The following UBE2E3 variants were observed in gnomAD, a reference collection of about 807,000 sequenced individuals.
UBE2E3 encodes ubiquitin-conjugating enzyme E2 E3.
Under a neutral mutation model 23.6 loss-of-function variants are expected in UBE2E3, and 5 were observed. The observed-to-expected ratio is 0.21, with a 90% confidence interval of 0.11 to 0.44. UBE2E3 has a LOEUF of 0.44. Among genes scored for constraint, UBE2E3 ranks in the 20% least tolerant of loss-of-function variants. The probability of loss-of-function intolerance (pLI) is 0.99; values close to 1 mark genes in which losing one functional copy is unlikely to be tolerated. For missense variants in UBE2E3, 81 were observed against 249.8 expected, an observed-to-expected ratio of 0.32 and a Z score of 4.55; for synonymous variants, 78 against 87.5, an observed-to-expected ratio of 0.89 and a Z score of 0.60.
intron 3 of UBE2E3, among the ~76,000 whole-genome samples, chr2:180,999,768 A>G (rs1574168065): frequency 6.6e-6 from 1 of 152,200 alleles, no homozygotes; most frequent in Admixed American, 6.5e-5. Context: ...CAATTGAGTA[A>G]CTGTAAAAGC....
chr2:180,994,933 T>C (rs995202965), intron 3 of UBE2E3, among the ~76,000 whole-genome samples: 5 of 152,118 alleles, frequency 3.3e-5, no homozygotes, highest in Non-Finnish European at 7.4e-5. Context: ...GTCAAGAGAA[T>C]CGTTAATGTA....
chr2:181,026,796 A>C (rs183142312), intron 3 of UBE2E3, among the ~76,000 whole-genome samples: 1 of 151,926 alleles, frequency 6.6e-6, no homozygotes, highest in Non-Finnish European at 1.5e-5. Context: ...GCTAATGGCA[A>C]TATTAGATCT....
chr2:181,030,708 A>T (rs571650684), intron 3 of UBE2E3, among the ~76,000 whole-genome samples: 10 of 151,498 alleles, frequency 6.6e-5, no homozygotes, highest in Non-Finnish European at 1.5e-4. Flanking sequence ...TATTTGGGAT[A>T]AGGTGGGGAA....
intron 3 of UBE2E3, among the ~76,000 whole-genome samples, chr2:181,017,047 G>A (rs1685513520): frequency 6.6e-6 from 1 of 152,194 alleles, no homozygotes. Context: ...GGAGAGTGAG[G>A]AGCAGCTGGA....
In UBE2E3 at chr2:180,988,899, A is replaced by C. The variant is rs149131251; in HGVS notation, c.245+4806A>C. 4.6e-3 allele frequency among the ~76,000 whole-genome samples: 697 copies of C among 152,038 alleles called. 6 individuals carry two copies. The highest frequency in any genetic ancestry group is 0.016 in the African/African-American group (654 of 41,490). On this transcript the variant is annotated intron_variant, in intron 3 of 5. Transcript: ENST00000410062. ...TTAGTTATCTAGTCCTTTTATTTTCAATTCTTCAAAAAAAAAGGTCCTGGA... is the reference window on the plus strand; with the variant it reads ...TTAGTTATCTAGTCCTTTTATTTTCCATTCTTCAAAAAAAAAGGTCCTGGA...
chr2:181,021,566 T>C (rs112348650), intron 3 of UBE2E3, among the ~76,000 whole-genome samples: 25 of 101,864 alleles, frequency 2.5e-4, no homozygotes, highest in East Asian at 8.5e-4. Flanking sequence ...CTTCCTTCCT[T>C]CCTTCCTCCC....
At chr2:181,031,452 A>G (rs540645342) in intron 3 of UBE2E3, among the ~76,000 whole-genome samples, 3 of 152,238 alleles carry the variant, frequency 2.0e-5, no homozygotes, top group East Asian at 1.9e-4. Flanking sequence ...TTTCAGTAGC[A>G]TATATTTTTA....
intron 3 of UBE2E3, 78 bp downstream of exon 3, chr2:180,984,171 T>C: frequency 7.7e-7 from 1 of 1,295,486 alleles, no homozygotes; most frequent in Admixed American, 1.9e-5. Context: ...TGGATATGTG[T>C]GCAGCAGAGG....
chr2:181,021,938 A>G (rs142809288), intron 3 of UBE2E3, among the ~76,000 whole-genome samples: 244 of 152,270 alleles, frequency 1.6e-3, no homozygotes, highest in African/African-American at 5.4e-3. Flanking sequence ...TCTTCCTTCT[A>G]TGTGAAACCA....
chr2:181,041,606 T>G (rs1681444747), intron 3 of UBE2E3, among the ~76,000 whole-genome samples: 1 of 151,824 alleles, frequency 6.6e-6, no homozygotes, highest in African/African-American at 2.4e-5. Flanking sequence ...CCAGGCTAAT[T>G]TTTGTATTTT....
At chr2:181,016,267 A>G (rs918360495) in intron 3 of UBE2E3, among the ~76,000 whole-genome samples, 3 of 151,728 alleles carry the variant, frequency 2.0e-5, no homozygotes, top group Admixed American at 1.3e-4. Flanking sequence ...TTTAGTACAG[A>G]CAGGATCTCA....
At chr2:181,024,588 T>A (rs1164894759) in intron 3 of UBE2E3, among the ~76,000 whole-genome samples, 1 of 152,094 alleles carries the variant, frequency 6.6e-6, no homozygotes, top group Non-Finnish European at 1.5e-5. Flanking sequence ...GATGTAATGG[T>A]GATGTGCTAT....
At chr2:180,990,123 C>T in intron 3 of UBE2E3, 3 of 903,596 alleles carry the variant, frequency 3.3e-6, no homozygotes, top group Non-Finnish European at 4.8e-6. Context: ...TTTCTTTTGC[C>T]TTTTGATCAG....
intron 3 of UBE2E3, among the ~76,000 whole-genome samples, chr2:181,046,916 A>G (rs1318355547): frequency 4.6e-5 from 7 of 152,120 alleles, no homozygotes; most frequent in Non-Finnish European, 1.0e-4. Context: ...TTTTCAAATT[A>G]AAAATTACAC....
intron 3 of UBE2E3, among the ~76,000 whole-genome samples, chr2:180,991,030 C>G (rs1553533680): frequency 6.6e-6 from 1 of 152,056 alleles, no homozygotes; most frequent in Non-Finnish European, 1.5e-5. Context: ...GTTTCCACAC[C>G]AAAAATGTAT....
intron 3 of UBE2E3, among the ~76,000 whole-genome samples, chr2:181,031,685 T>C (rs1313964838): frequency 6.6e-6 from 1 of 152,058 alleles, no homozygotes; most frequent in Non-Finnish European, 1.5e-5. Flanking sequence ...TTAGTTTTGG[T>C]GTTTTGTTTT....
chr2:181,038,717 C>G (rs1200053360), intron 3 of UBE2E3, among the ~76,000 whole-genome samples: 7 of 151,212 alleles, frequency 4.6e-5, no homozygotes, highest in Non-Finnish European at 1.0e-4. Context: ...CCAGAACATG[C>G]AAGTCTTAAC....
chr2:180,998,503 G>A (rs1684898247), intron 3 of UBE2E3, among the ~76,000 whole-genome samples: 1 of 152,084 alleles, frequency 6.6e-6, no homozygotes, highest in South Asian at 2.1e-4. Flanking sequence ...TATCCTCTGT[G>A]ATGCTATGGA....
intron 3 of UBE2E3, among the ~76,000 whole-genome samples, chr2:181,024,503 C>T (rs1426274890): frequency 6.6e-6 from 1 of 152,080 alleles, no homozygotes; most frequent in Non-Finnish European, 1.5e-5. Context: ...AAAATTGTAA[C>T]AGAGCTATAA....
Sources: allele counts gnomAD v4.1 joint callset (sites outside exome capture counted in the v4.1 genomes callset), GRCh38; gene constraint gnomAD v4.1.1; transcripts MANE v1.5; gene names NCBI Gene and HGNC (gene_info 2026-07-23, HGNC 2026-07-21).